RGS7: variants seen among roughly 807,000 people sequenced by gnomAD.
The protein encoded by RGS7 is regulator of G-protein signaling 7.
In RGS7, 27 loss-of-function variants were observed where a neutral mutation model predicts 81.1. The observed-to-expected ratio is 0.33, with a 90% CI of 0.25 to 0.46. The LOEUF (loss-of-function observed/expected upper bound fraction) is 0.46, where lower values mean the gene tolerates loss of function less well. Ranked by LOEUF, RGS7 falls within the 20% of genes least tolerant of loss-of-function variation. The pLI is 1.00. For missense variants in RGS7, 396 were observed against 607.4 expected (o/e 0.65, Z 3.66); for synonymous variants, 208 against 207.7 (o/e 1.00, Z -0.01).
chr1:240,820,898 T>C (rs749050574), intron 10 of RGS7, among the ~76,000 whole-genome samples: 1 of 152,174 alleles, frequency 6.6e-6, no homozygotes, highest in Non-Finnish European at 1.5e-5. Context: ...AAGAAGCCTT[T>C]CTGTGTTTCT....
intron 2 of RGS7, among the ~76,000 whole-genome samples, chr1:241,285,967 C>T (rs1015717930): frequency 6.6e-6 from 1 of 152,128 alleles, no homozygotes; most frequent in South Asian, 2.1e-4. Context: ...ATCATGAGTG[C>T]GCATAATAAC....
At chr1:240,963,826 T>C (rs1681858030) in intron 4 of RGS7, among the ~76,000 whole-genome samples, 1 of 152,184 alleles carries the variant, frequency 6.6e-6, no homozygotes, top group Non-Finnish European at 1.5e-5. Context: ...TATACAGATA[T>C]GGCTGGTTAA....
chr1:241,285,805 G>A (rs113307959), intron 2 of RGS7, among the ~76,000 whole-genome samples: 3 of 152,148 alleles, frequency 2.0e-5, no homozygotes, highest in Non-Finnish European at 4.4e-5. Context: ...CAATAGTTGA[G>A]AGTGCCCTCT....
intron 2 of RGS7, among the ~76,000 whole-genome samples, chr1:241,310,023 C>T (rs2080413426): frequency 6.6e-6 from 1 of 152,190 alleles, no homozygotes; most frequent in Admixed American, 6.5e-5. Flanking sequence ...ATTCACAAGA[C>T]AGCATTCCAG....
chr1:241,348,726 G>A (rs2083056160), intron 2 of RGS7, among the ~76,000 whole-genome samples: 1 of 152,206 alleles, frequency 6.6e-6, no homozygotes, highest in Non-Finnish European at 1.5e-5. Flanking sequence ...AGACTGCCAA[G>A]ATATATAAGA....
intron 9 of RGS7, among the ~76,000 whole-genome samples, chr1:240,832,393 T>G (rs533578329): frequency 6.6e-6 from 1 of 152,282 alleles, no homozygotes; most frequent in South Asian, 2.1e-4. Context: ...GCAACATTAT[T>G]ATAACGTTAT....
intron 3 of RGS7, chr1:240,998,722 C>T: frequency 1.0e-6 from 1 of 957,398 alleles, no homozygotes; most frequent in Non-Finnish European, 1.7e-6. Flanking sequence ...ATCTTATTCT[C>T]CGTGACGGTC....
At chr1:241,268,239 T>G (rs989450043) in intron 2 of RGS7, among the ~76,000 whole-genome samples, 9 of 152,170 alleles carry the variant, frequency 5.9e-5, no homozygotes, top group African/African-American at 2.2e-4. Context: ...AGCTGAGGCT[T>G]CCATAATTCA....
At chr1:240,857,542 C>T (rs763397614) in intron 9 of RGS7, among the ~76,000 whole-genome samples, 4 of 152,096 alleles carry the variant, frequency 2.6e-5, no homozygotes, top group Admixed American at 1.3e-4. Flanking sequence ...TCCTCTTCAT[C>T]ATCCCTGCTT....
At chr1:240,831,983 A>T (rs1693934812) in intron 9 of RGS7, among the ~76,000 whole-genome samples, 1 of 152,142 alleles carries the variant, frequency 6.6e-6, no homozygotes, top group East Asian at 1.9e-4. Flanking sequence ...TCTCCTCAAC[A>T]TGGCAAACAC....
At position 241,021,222 on chromosome 1, in the gene RGS7, A is replaced by G. The variant is rs539216688; in HGVS notation, c.176-38093T>C. ...CAACAGCAGCTGTCTGTGAGTCCTC[A>G]TTCTACTGTGAGAAGCAGGTTTGCT... is the stretch of plus-strand genomic sequence containing the variant. On this transcript the variant is annotated intron_variant, in intron 3 of 18. Transcript: ENST00000440928. 1.8e-4 allele frequency among the ~76,000 whole-genome samples: 28 copies of G among 152,082 alleles called. 2 individuals are homozygous for G. The South Asian group carries it at 5.8e-3, about 32-fold the overall frequency.
At chr1:241,001,206 A>G (rs1336594957) in intron 3 of RGS7, among the ~76,000 whole-genome samples, 2 of 152,338 alleles carry the variant, frequency 1.3e-5, no homozygotes, top group East Asian at 3.9e-4. Context: ...TGAATAGTAC[A>G]GGACCTAACA....
At chr1:240,812,621 G>A (rs1449775637) in intron 13 of RGS7, among the ~76,000 whole-genome samples, 1 of 151,960 alleles carries the variant, frequency 6.6e-6, no homozygotes, top group Non-Finnish European at 1.5e-5. Flanking sequence ...TTTTAGTAGA[G>A]ATGGGGTTTC....
In RGS7 at chr1:240,800,649, A is replaced by C. The variant is rs1294663627; in HGVS notation, c.1486T>G (p.Ter496GlyextTer19). The C allele has an allele frequency of 6.5e-7, 1 of 1,543,444 alleles. No homozygotes were observed. Among genetic ancestry groups the C allele is most frequent in the East Asian group, 2.5e-5 (1 of 40,786 alleles). The change falls in exon 18 of 19, where the codon TGA becomes GGA. Residue 496 changes from the stop codon to glycine, a stop_lost. Transcript: ENST00000440928. ...AACCAAGATTTTTCTACCTCTTTTC[A>C]TAACAGGTTAGTGCTGGCCCTCAGT... ...PTLRASTNLL[*>G]
At chr1:241,315,635 T>A (rs530037771) in intron 2 of RGS7, among the ~76,000 whole-genome samples, 1 of 152,342 alleles carries the variant, frequency 6.6e-6, no homozygotes, top group African/African-American at 2.4e-5. Flanking sequence ...GGTCATGTCA[T>A]CTGTGAAAAG....
chr1:240,827,014 A>G, intron 10 of RGS7, 84 bp downstream of exon 10: 1 of 1,088,406 alleles, frequency 9.2e-7, no homozygotes, highest in Non-Finnish European at 1.4e-6. Flanking sequence ...ACTGCATGAC[A>G]TGAGAAGAAA....
At chr1:241,077,284 G>A (rs981725315) in intron 3 of RGS7, among the ~76,000 whole-genome samples, 1 of 152,168 alleles carries the variant, frequency 6.6e-6, no homozygotes, top group African/African-American at 2.4e-5. Context: ...AAGCTGGGCT[G>A]TCATGAAAAT....
chr1:241,038,405 C>T (rs912015183), intron 3 of RGS7, among the ~76,000 whole-genome samples: 7 of 152,186 alleles, frequency 4.6e-5, no homozygotes, highest in African/African-American at 1.4e-4. Context: ...CCTTCCCACT[C>T]AAGCTTGTAC....
intron 2 of RGS7, among the ~76,000 whole-genome samples, chr1:241,165,747 T>A (rs144710710): frequency 4.9e-4 from 73 of 150,398 alleles, no homozygotes; most frequent in African/African-American, 1.7e-3. Flanking sequence ...AACCTGAACA[T>A]TGTGCACATG....
Sources: gnomAD v4.1 joint callset for allele counts (sites outside exome capture counted in the v4.1 genomes callset) on GRCh38, gnomAD v4.1.1 for gene constraint, MANE v1.5 for transcripts, NCBI Gene and HGNC (gene_info 2026-07-23, HGNC 2026-07-21) for gene names.